SNX29: variants seen among roughly 807,000 people sequenced by gnomAD.
The protein encoded by SNX29 is sorting nexin-29.
SNX29 carries 78 observed loss-of-function variants against 102.1 expected under a neutral mutation model. That is an observed-to-expected ratio of 0.76 (90% CI 0.64 to 0.92). SNX29 has a LOEUF of 0.92. Ranked by LOEUF, SNX29 falls within the 40% of genes least tolerant of loss-of-function variation. SNX29 has a pLI of 0.00. For synonymous variants in SNX29, 580 were observed against 414.5 expected, an observed-to-expected ratio of 1.40 and a Z score of -4.85; for missense variants, 1,280 against 1,061.7, an observed-to-expected ratio of 1.21 and a Z score of -2.86.
At chr16:12,422,213 G>C (rs980462144) in intron 18 of SNX29, among the ~76,000 whole-genome samples, 6 of 152,230 alleles carry the variant, frequency 3.9e-5, no homozygotes, top group African/African-American at 1.2e-4. Context: ...CTCAATGGCT[G>C]TGTGACCTTG....
chr16:12,502,533 G>A (rs2089176213), intron 19 of SNX29, among the ~76,000 whole-genome samples: 1 of 152,012 alleles, frequency 6.6e-6, no homozygotes, highest in Non-Finnish European at 1.5e-5. Flanking sequence ...GCTTCCCCAC[G>A]GTGGCCGGGG....
At chr16:12,120,001 T>G (rs963103147) in intron 11 of SNX29, among the ~76,000 whole-genome samples, 2 of 152,178 alleles carry the variant, frequency 1.3e-5, no homozygotes, top group African/African-American at 2.4e-5. Flanking sequence ...TTTTTCCTCC[T>G]TTATCTTAAC....
At chr16:12,369,092 C>G (rs1361680735) in intron 16 of SNX29, among the ~76,000 whole-genome samples, 1 of 152,118 alleles carries the variant, frequency 6.6e-6, no homozygotes, top group East Asian at 1.9e-4. Context: ...TCTCAAGACC[C>G]TGGTTCTTTG....
In SNX29 at chr16:12,573,230, T is replaced by C. The variant is rs1426876493; in HGVS notation, c.*4601T>C. 1 of 226,376 alleles carries C rather than the reference T, an allele frequency of 4.4e-6. No individual in the cohort carries two copies. The highest frequency in any genetic ancestry group is 6.4e-5 in the East Asian group (1 of 15,646). 14.0% of individuals were successfully genotyped at this position (226,376 alleles called of 1,614,324 possible). On this transcript the variant is annotated 3_prime_UTR_variant, in exon 21 of 21. Transcript: ENST00000566228. Reference sequence around the variant, plus strand: ...AGACCGGATCCCGCAGTTCATCCCATGGTTGTTGAAATGTACCTCGATCAG... The same window carrying C: ...AGACCGGATCCCGCAGTTCATCCCACGGTTGTTGAAATGTACCTCGATCAG...
At chr16:12,115,956 G>T (rs1032365354) in intron 11 of SNX29, among the ~76,000 whole-genome samples, 1 of 152,288 alleles carries the variant, frequency 6.6e-6, no homozygotes, top group African/African-American at 2.4e-5. Context: ...CTCCCTAACT[G>T]CTTTTTCAAC....
At chr16:12,091,717 C>T (rs936197161) in intron 11 of SNX29, among the ~76,000 whole-genome samples, 17 of 133,546 alleles carry the variant, frequency 1.3e-4, no homozygotes, top group African/African-American at 2.9e-4. Context: ...TTTGAGGCTG[C>T]GGTGAGCCAA....
intron 13 of SNX29, among the ~76,000 whole-genome samples, chr16:12,143,977 G>A (rs55693041): frequency 0.2 from 30,053 of 152,108 alleles, 3,437 homozygotes; most frequent in Middle Eastern, 0.29. Flanking sequence ...GTGGCTTAGA[G>A]CAGAGTTTCT....
intron 16 of SNX29, among the ~76,000 whole-genome samples, chr16:12,370,521 T>C (rs529604530): frequency 6.6e-6 from 1 of 152,212 alleles, no homozygotes; most frequent in South Asian, 2.1e-4. Flanking sequence ...GATTGTGCCA[T>C]TATACTTCAG....
chr16:12,188,276 C>T (rs887468023), intron 13 of SNX29, among the ~76,000 whole-genome samples: 1 of 152,204 alleles, frequency 6.6e-6, no homozygotes, highest in Non-Finnish European at 1.5e-5. Context: ...TAGATACTTT[C>T]ATCATCCCAT....
intron 15 of SNX29, among the ~76,000 whole-genome samples, chr16:12,287,282 C>T (rs79105425): frequency 0.032 from 4,814 of 152,304 alleles, 119 homozygotes; most frequent in Admixed American, 0.062. Context: ...GGTTTCCAGC[C>T]TCCAGCATGG....
chr16:12,535,205 T>A (rs1181074696), intron 20 of SNX29, among the ~76,000 whole-genome samples: 2 of 152,168 alleles, frequency 1.3e-5, no homozygotes, highest in Non-Finnish European at 2.9e-5. Context: ...GTGGTGTGAT[T>A]TCAGCTCACT....
In SNX29 at chr16:12,442,595, T is replaced by G. The variant is rs192462923; in HGVS notation, c.2038-35124T>G. Among the ~76,000 whole-genome samples the G allele has an allele frequency of 3.3e-3, 497 of 152,008 alleles. 3 individuals carry two copies. Among genetic ancestry groups the G allele is most frequent in the African/African-American group, 0.01 (434 of 41,498 alleles). On this transcript the variant is annotated intron_variant, in intron 18 of 20. Coordinates refer to ENST00000566228, the MANE Select transcript of SNX29 (RefSeq NM_032167.5). ...TGTGACTGTGTGTTTTTTTGTTTTT[T>G]TTTTTTTGATATAGGGTCTCAGGCT...
intron 20 of SNX29, among the ~76,000 whole-genome samples, chr16:12,538,192 C>A (rs138039606): frequency 1.3e-5 from 2 of 152,042 alleles, no homozygotes; most frequent in Admixed American, 6.6e-5. Context: ...CTAGGCTCAC[C>A]GCAAGCTCTG....
In SNX29 at chr16:12,504,862, A is replaced by G. The variant is rs2089301277; in HGVS notation, c.2179-19840A>G. On this transcript the variant is annotated intron_variant, in intron 19 of 20. Transcript: ENST00000566228. ...GGAATGTATCCTGTGGATAAGCGGGACCACTGTACTTCATTCCTTTTTATT... is the reference window on the plus strand; with the variant it reads ...GGAATGTATCCTGTGGATAAGCGGGGCCACTGTACTTCATTCCTTTTTATT... 2.6e-5 allele frequency among the ~76,000 whole-genome samples: 4 copies of G among 152,204 alleles called. No individual in the cohort carries two copies. In the South Asian group the frequency reaches 8.3e-4, roughly 31 times the overall value.
chr16:12,065,137 G>A (rs745346595), intron 9 of SNX29, among the ~76,000 whole-genome samples: 3 of 152,174 alleles, frequency 2.0e-5, no homozygotes, highest in Non-Finnish European at 4.4e-5. Context: ...CTGTGGTTTA[G>A]GGAGGAGTTT....
At chr16:12,340,308 A>G (rs999832076) in intron 15 of SNX29, among the ~76,000 whole-genome samples, 1 of 152,180 alleles carries the variant, frequency 6.6e-6, no homozygotes, top group Non-Finnish European at 1.5e-5. Context: ...TTGAAGCCCA[A>G]CCTTTTGTTT....
At chr16:12,400,258 T>A (rs78989888) in intron 17 of SNX29, among the ~76,000 whole-genome samples, 3 of 152,150 alleles carry the variant, frequency 2.0e-5, no homozygotes, top group Non-Finnish European at 4.4e-5. Flanking sequence ...CCCACTCCTC[T>A]CCCTGCACCA....
At chr16:12,467,611 TGTTCGTTCGTTAGTTC>T (rs2087117213) in intron 18 of SNX29, among the ~76,000 whole-genome samples, 1 of 136,540 alleles carries the variant, frequency 7.3e-6, no homozygotes, top group African/African-American at 3.2e-5. Flanking sequence ...TTTGTTCGTT[TGTTCGTTCGTTAGTTC>T]GTTCGTTCGT....
intron 6 of SNX29, among the ~76,000 whole-genome samples, chr16:12,047,603 G>C (rs906530985): frequency 6.7e-6 from 1 of 150,346 alleles, no homozygotes. Context: ...CCATCTTACA[G>C]ATAAGGTGAC....
Sources: gnomAD v4.1 joint callset for allele counts (sites outside exome capture counted in the v4.1 genomes callset) on GRCh38, gnomAD v4.1.1 for gene constraint, MANE v1.5 for transcripts, NCBI Gene and HGNC (gene_info 2026-07-23, HGNC 2026-07-21) for gene names.